Variants in ASCC3 observed in about 807,000 individuals in gnomAD.
ASCC3 encodes the protein activating signal cointegrator 1 complex subunit 3, also known as ASC-1 complex subunit P200.
In ASCC3, 158 loss-of-function variants were observed where a neutral mutation model predicts 256.3. The observed-to-expected ratio is 0.62, with a 90% CI of 0.54 to 0.70. The LOEUF (loss-of-function observed/expected upper bound fraction) is 0.70. Ranked by LOEUF, ASCC3 falls within the 30% of genes least tolerant of loss-of-function variation. The probability of loss-of-function intolerance (pLI) is 0.00; values close to 1 mark genes in which losing one functional copy is unlikely to be tolerated. For synonymous variants in ASCC3, 948 were observed against 883.4 expected (o/e 1.07, Z -1.30); for missense variants, 2,259 against 2,626.0 (o/e 0.86, Z 3.05).
intron 1 of ASCC3, among the ~76,000 whole-genome samples, chr6:100,871,322 C>T (rs1249888666): frequency 6.6e-6 from 1 of 152,120 alleles, no homozygotes; most frequent in Non-Finnish European, 1.5e-5. Flanking sequence ...CTTCAAACTC[C>T]TGACCTCGTG....
At chr6:100,829,475 G>A (rs908587544) in intron 4 of ASCC3, among the ~76,000 whole-genome samples, 135 of 151,694 alleles carry the variant, frequency 8.9e-4, no homozygotes, top group South Asian at 1.9e-3. Context: ...CTCGCCAGCC[G>A]TTCTGAGTGC....
chr6:100,825,722 G>A (rs537452001), intron 4 of ASCC3, among the ~76,000 whole-genome samples: 21 of 152,186 alleles, frequency 1.4e-4, no homozygotes, highest in Admixed American at 4.6e-4. Context: ...CATTCTCCCC[G>A]TCACTTTCAG....
At position 100,620,427 on chromosome 6, in the gene ASCC3, T is replaced by G. The variant is rs79663007; in HGVS notation, c.4785+4765A>C. Among the ~76,000 whole-genome samples, 398 of 152,288 alleles carry G rather than the reference T, an allele frequency of 2.6e-3. 4 individuals carry two copies. Among genetic ancestry groups the G allele is most frequent in the African/African-American group, 9.2e-3 (383 of 41,562 alleles). ...GGTGTCTTTCTGCTTCCTAATACTT[T>G]GAAACTATACTGGATTAAGAAGATA... is the stretch of plus-strand genomic sequence containing the variant. On this transcript the variant is annotated intron_variant, in intron 30 of 41. Coordinates refer to ENST00000369162, the MANE Select transcript of ASCC3 (RefSeq NM_006828.4).
At chr6:100,815,660 T>C (rs1391436647) in intron 4 of ASCC3, among the ~76,000 whole-genome samples, 1 of 151,914 alleles carries the variant, frequency 6.6e-6, no homozygotes, top group African/African-American at 2.4e-5. Flanking sequence ...AAACAAGGAA[T>C]GGGGAAAAGA....
In ASCC3 at chr6:100,597,890, C is replaced by T. The variant is rs529967482; in HGVS notation, c.5303+3920G>A. 4.0e-4 allele frequency among the ~76,000 whole-genome samples: 57 copies of T among 143,262 alleles called. 1 individual carries two copies. The East Asian group carries it at 4.5e-3, about 11-fold the overall frequency. The allele number at this position is 143,262 out of a possible 152,430, so 94.0% of individuals were successfully genotyped here. The stretch of plus-strand genomic sequence containing the variant: ...TCGGGAGGCTGAGGCAGGAGAATGG[C>T]GTGAACTCAGGAGGTGGAGCTTGCA... On this transcript the variant is annotated intron_variant, in intron 34 of 41. Coordinates refer to ENST00000369162, the MANE Select transcript of ASCC3 (RefSeq NM_006828.4).
intron 8 of ASCC3, among the ~76,000 whole-genome samples, chr6:100,784,863 G>A (rs1227483365): frequency 1.3e-5 from 2 of 151,914 alleles, no homozygotes; most frequent in Non-Finnish European, 2.9e-5. Flanking sequence ...TTGACTTCAT[G>A]TATTAAAACA....
chr6:100,571,471 T>C (rs1284581170), intron 36 of ASCC3, among the ~76,000 whole-genome samples: 1 of 152,194 alleles, frequency 6.6e-6, no homozygotes, highest in African/African-American at 2.4e-5. Flanking sequence ...AACTATAAGG[T>C]CCATGAGTGC....
chr6:100,586,029 G>C (rs1771648296), intron 36 of ASCC3, among the ~76,000 whole-genome samples: 1 of 152,178 alleles, frequency 6.6e-6, no homozygotes, highest in Non-Finnish European at 1.5e-5. Flanking sequence ...CGGGGGTCAG[G>C]GGTCAGGGAC....
chr6:100,510,355 G>A, intron 40 of ASCC3: 1 of 443,214 alleles, frequency 2.3e-6, no homozygotes, highest in South Asian at 3.5e-5. Context: ...CAGAATATAT[G>A]GCCAGTTAGA....
intron 8 of ASCC3, among the ~76,000 whole-genome samples, chr6:100,783,902 G>A (rs1313577389): frequency 2.0e-5 from 3 of 151,456 alleles, no homozygotes; most frequent in Non-Finnish European, 4.4e-5. Flanking sequence ...ATTTCACTTA[G>A]CATCCAAAGA....
intron 2 of ASCC3, among the ~76,000 whole-genome samples, chr6:100,866,203 C>G (rs1773470833): frequency 6.6e-6 from 1 of 152,134 alleles, no homozygotes; most frequent in African/African-American, 2.4e-5. Context: ...GTCATGACCT[C>G]AAGTGATCCA....
intron 34 of ASCC3, among the ~76,000 whole-genome samples, chr6:100,594,833 A>C (rs1288448523): frequency 6.6e-6 from 1 of 152,158 alleles, no homozygotes; most frequent in Non-Finnish European, 1.5e-5. Context: ...TGGTGTATAT[A>C]TACACAATGG....
At chr6:100,779,338 C>G (rs1782340231) in intron 8 of ASCC3, among the ~76,000 whole-genome samples, 1 of 152,128 alleles carries the variant, frequency 6.6e-6, no homozygotes, top group Admixed American at 6.6e-5. Context: ...TGTGATCCTC[C>G]TGCCTCAGCC....
rs769223755 is a variant in ASCC3, at chr6:100,647,318, T to A, written c.3386A>T (p.Gln1129Leu). The change falls in exon 21 of 42, where the codon CAA (glutamine) becomes CTA (leucine). Residue 1129 changes from glutamine (Q) to leucine (L), a missense_variant. Gln to Leu is a moderately radical substitution (Grantham distance 113). Around this residue, in one of 2 missense-constraint regions of ASCC3, gnomAD observed 1,839 missense variants for 2,206.7 expected, o/e 0.83. Coordinates refer to ENST00000369162, the MANE Select transcript of ASCC3 (RefSeq NM_006828.4). The stretch of plus-strand genomic sequence containing the variant: ...GATGTGTGGTGGTAGGATTGAAAAT[T>A]GTCTCAAAGGGCTAGCCCAACCCCA... The part of the protein sequence containing the change: ...RLWGWASPLR[Q>L]FSILPPHILT... The A allele has an allele frequency of 2.5e-6, 4 of 1,614,070 alleles. No homozygotes were observed. The highest frequency in any genetic ancestry group is 3.4e-6 in the Non-Finnish European group (4 of 1,179,970).
chr6:100,861,120 G>A (rs923444385), intron 3 of ASCC3, among the ~76,000 whole-genome samples: 2 of 152,060 alleles, frequency 1.3e-5, no homozygotes, highest in African/African-American at 4.8e-5. Context: ...CAGCTGAAAA[G>A]TAGACTTACT....
intron 3 of ASCC3, chr6:100,858,998 T>C (rs1315530413): frequency 4.3e-6 from 3 of 696,838 alleles, no homozygotes; most frequent in African/African-American, 3.6e-5. Flanking sequence ...AAAGCCATCA[T>C]AGCATATAGA....
intron 36 of ASCC3, among the ~76,000 whole-genome samples, chr6:100,578,962 C>A (rs765328344): frequency 6.6e-6 from 1 of 151,944 alleles, no homozygotes; most frequent in African/African-American, 2.4e-5. Flanking sequence ...TAAATGATGC[C>A]TTTTCTCTGC....
At chr6:100,509,874 C>T (rs1280884728) in intron 41 of ASCC3, 58 bp downstream of exon 41, 12 of 1,527,154 alleles carry the variant, frequency 7.9e-6, no homozygotes, top group South Asian at 2.3e-5. Context: ...GGCGACAGAG[C>T]GAGACTCCGC....
rs1780085566 is a variant in ASCC3, at chr6:100,735,081, CT to C, written c.1738-9379del. Among the ~76,000 whole-genome samples the C allele has an allele frequency of 1.3e-5, 2 of 151,946 alleles. 1 individual carries two copies. The highest frequency in any genetic ancestry group is 4.2e-4 in the South Asian group (2 of 4,798). ...GAGGAAAGTGCTGCTAAAAGGCATC[CT>C]TTTTTATTTTAATGACATATAATTC... On this transcript the variant is annotated intron_variant, in intron 10 of 41. Coordinates refer to ENST00000369162, the MANE Select transcript of ASCC3 (RefSeq NM_006828.4).
Sources: allele counts gnomAD v4.1 joint callset (sites outside exome capture counted in the v4.1 genomes callset), GRCh38; gene constraint gnomAD v4.1.1; regional missense constraint gnomAD v4.1.1; transcripts MANE v1.5; gene names NCBI Gene and HGNC (gene_info 2026-07-23, HGNC 2026-07-21).